The following SYT1 variants were observed in gnomAD, a reference collection of about 807,000 sequenced individuals.
SYT1 encodes synaptotagmin-1.
A neutral mutation model predicts 44.8 loss-of-function variants in SYT1; 8 were observed. The observed-to-expected ratio is 0.18, with a 90% CI of 0.10 to 0.32. SYT1 has a LOEUF of 0.32. Among genes scored for constraint, SYT1 ranks in the 10% least tolerant of loss-of-function variants. The pLI is 1.00. For synonymous variants in SYT1, 154 were observed against 188.8 expected (o/e 0.82, Z 1.51); for missense variants, 286 against 509.3 (o/e 0.56, Z 4.22).
chr12:79,104,058 G>T (rs1314037074), intron 3 of SYT1, among the ~76,000 whole-genome samples: 1 of 151,908 alleles, frequency 6.6e-6, no homozygotes, highest in East Asian at 1.9e-4. Flanking sequence ...ATTATATGCT[G>T]TTGTCACTGG....
chr12:79,300,156 T>C (rs1234785438), intron 8 of SYT1, among the ~76,000 whole-genome samples: 1 of 152,182 alleles, frequency 6.6e-6, no homozygotes, highest in Non-Finnish European at 1.5e-5. Flanking sequence ...CCCAGTATTT[T>C]TCCATGACTT....
intron 2 of SYT1, among the ~76,000 whole-genome samples, chr12:78,995,423 C>T (rs1870312803): frequency 6.6e-6 from 1 of 152,168 alleles, no homozygotes; most frequent in Non-Finnish European, 1.5e-5. Context: ...GTCTTGAAGT[C>T]ACTTTTTGGT....
intron 3 of SYT1, among the ~76,000 whole-genome samples, chr12:79,131,184 G>A (rs1340726216): frequency 6.6e-6 from 1 of 151,194 alleles, no homozygotes; most frequent in African/African-American, 2.4e-5. Context: ...TGCAGAATGT[G>A]CAGGTTTGTT....
intron 1 of SYT1, among the ~76,000 whole-genome samples, chr12:78,871,112 G>A (rs1168605988): frequency 6.6e-6 from 1 of 151,976 alleles, no homozygotes; most frequent in East Asian, 1.9e-4. Context: ...TTTAAAAAGT[G>A]TTTCAAATCA....
chr12:79,176,216 G>A (rs748027564), intron 3 of SYT1, among the ~76,000 whole-genome samples: 1 of 151,638 alleles, frequency 6.6e-6, no homozygotes, highest in Non-Finnish European at 1.5e-5. Context: ...CTTGAACCTG[G>A]GAGGCTGAGG....
chr12:79,337,984 C>T (rs1330512786), intron 8 of SYT1, among the ~76,000 whole-genome samples: 1 of 152,136 alleles, frequency 6.6e-6, no homozygotes, highest in Non-Finnish European at 1.5e-5. Flanking sequence ...CCCAGAAAAC[C>T]GAGGACATGT....
intron 2 of SYT1, among the ~76,000 whole-genome samples, chr12:78,990,143 T>C (rs1313586480): frequency 6.6e-6 from 1 of 152,144 alleles, no homozygotes; most frequent in Admixed American, 6.6e-5. Flanking sequence ...CATGAGCTAG[T>C]GCACCTGAAT....
intron 4 of SYT1, among the ~76,000 whole-genome samples, chr12:79,249,424 C>T (rs1381314624): frequency 6.6e-6 from 1 of 152,138 alleles, no homozygotes; most frequent in African/African-American, 2.4e-5. Flanking sequence ...CTTTCTATAT[C>T]TTCCATCTGA....
At chr12:79,192,182 G>A (rs1873171770) in intron 3 of SYT1, among the ~76,000 whole-genome samples, 3 of 152,198 alleles carry the variant, frequency 2.0e-5, no homozygotes, top group South Asian at 2.1e-4. Flanking sequence ...AGGACTAGGA[G>A]TGAGAAGGAA....
chr12:79,351,102 G>A (rs1882879949), intron 8 of SYT1, among the ~76,000 whole-genome samples: 1 of 151,576 alleles, frequency 6.6e-6, no homozygotes, highest in South Asian at 2.1e-4. Flanking sequence ...CTTTAAAAAA[G>A]CACTTTTCCA....
At chr12:79,196,594 A>C (rs1424022176) in intron 3 of SYT1, among the ~76,000 whole-genome samples, 1 of 152,230 alleles carries the variant, frequency 6.6e-6, no homozygotes, top group Non-Finnish European at 1.5e-5. Flanking sequence ...AGTAACAACT[A>C]CAGAGCAGAA....
chr12:79,281,712 C>G (rs367940655), intron 4 of SYT1, among the ~76,000 whole-genome samples: 5 of 152,252 alleles, frequency 3.3e-5, no homozygotes, highest in Admixed American at 2.0e-4. Context: ...GACTAGCCCA[C>G]ATGAATATTA....
At chr12:79,150,758 A>T (rs1234983132) in intron 3 of SYT1, among the ~76,000 whole-genome samples, 1 of 152,126 alleles carries the variant, frequency 6.6e-6, no homozygotes, top group East Asian at 1.9e-4. Context: ...TTGCAGAATA[A>T]TTGCTTAAGA....
intron 8 of SYT1, among the ~76,000 whole-genome samples, chr12:79,318,741 G>A (rs1881216889): frequency 3.3e-5 from 5 of 152,210 alleles, no homozygotes; most frequent in South Asian, 2.1e-4. Flanking sequence ...GAATTTTAAC[G>A]TTCTGCTAGT....
intron 2 of SYT1, among the ~76,000 whole-genome samples, chr12:79,017,552 A>G (rs1396438691): frequency 6.6e-6 from 1 of 152,094 alleles, no homozygotes; most frequent in African/African-American, 2.4e-5. Context: ...GTTGTGAGCA[A>G]TGTGTGTGAT....
At chr12:79,414,517 ATCT>A (rs2136141169) in intron 9 of SYT1, among the ~76,000 whole-genome samples, 1 of 152,294 alleles carries the variant, frequency 6.6e-6, no homozygotes, top group South Asian at 2.1e-4. Flanking sequence ...ACTCTGTGTA[ATCT>A]TCTCTCCTTT....
chr12:79,017,591 A>G lies in SYT1; in HGVS notation c.-83-29706A>G, dbSNP rs116667611. On this transcript the variant is annotated intron_variant, in intron 2 of 10. Transcript: ENST00000261205. ...AAATTAGGAAATCTAAAAGGGCATGACACATTGTGGGGAGGGGACTTCAAC... is the reference window on the plus strand; with the variant it reads ...AAATTAGGAAATCTAAAAGGGCATGGCACATTGTGGGGAGGGGACTTCAAC... Among the ~76,000 whole-genome samples, 899 of 152,226 alleles carry G rather than the reference A, an allele frequency of 5.9e-3. 4 individuals carry two copies. Among genetic ancestry groups the G allele is most frequent in the African/African-American group, 0.021 (853 of 41,552 alleles).
At chr12:79,114,500 T>C (rs1879176071) in intron 3 of SYT1, among the ~76,000 whole-genome samples, 1 of 152,060 alleles carries the variant, frequency 6.6e-6, no homozygotes, top group Admixed American at 6.6e-5. Context: ...CTAACTCCCA[T>C]GTCTTAAGCC....
In SYT1 at chr12:78,876,461, G is replaced by GTTTTTT. The variant is rs1491347037; in HGVS notation, c.-217+11353_-217+11354insTTTTTT. ...ATAATAACATGTTTTGAAAATGGAG[G>GTTTTTT]TGTTTTTTTTTTTTTTTTTTTTGCC... On this transcript the variant is annotated intron_variant, in intron 1 of 10. Coordinates refer to ENST00000261205, the MANE Select transcript of SYT1 (RefSeq NM_005639.3). Among the ~76,000 whole-genome samples the GTTTTTT allele has an allele frequency of 9.9e-5, 3 of 30,214 alleles. 1 individual carries two copies. The highest frequency in any genetic ancestry group is 3.5e-4 in the Non-Finnish European group (3 of 8,474). 19.8% of individuals were successfully genotyped at this position (30,214 alleles called of 152,430 possible). A position where few individuals can be genotyped will look rare whatever the true frequency, so the allele number is the denominator to read the frequency against.
Sources: gnomAD v4.1 joint callset for allele counts (sites outside exome capture counted in the v4.1 genomes callset) on GRCh38, gnomAD v4.1.1 for gene constraint, MANE v1.5 for transcripts, NCBI Gene and HGNC (gene_info 2026-07-23, HGNC 2026-07-21) for gene names.